The following SETD2 variants were observed in gnomAD, a reference collection of about 807,000 sequenced individuals.
The protein encoded by SETD2 is SET domain containing 2, histone lysine methyltransferase, also known as histone-lysine N-methyltransferase SETD2.
Under a neutral mutation model 242.1 loss-of-function variants are expected in SETD2, and 31 were observed. The observed-to-expected ratio is 0.13, with a 90% CI of 0.10 to 0.17. The LOEUF (loss-of-function observed/expected upper bound fraction) is 0.17, where lower values mean the gene tolerates loss of function less well. Among genes scored for constraint, SETD2 ranks in the 10% least tolerant of loss-of-function variants. The probability of loss-of-function intolerance (pLI) is 1.00; values close to 1 mark genes in which losing one functional copy is unlikely to be tolerated. For synonymous variants in SETD2, 1,006 were observed against 1,066.5 expected, an observed-to-expected ratio of 0.94 and a Z score of 1.11; for missense variants, 2,481 against 3,046.3, an observed-to-expected ratio of 0.81 and a Z score of 4.37.
intron 1 of SETD2, among the ~76,000 whole-genome samples, chr3:47,161,565 T>C (rs190219447): frequency 1.1e-4 from 16 of 152,156 alleles, no homozygotes; most frequent in South Asian, 2.1e-4. Context: ...CCAGTCTTTA[T>C]AGTATTATGA....
intron 12 of SETD2, among the ~76,000 whole-genome samples, chr3:47,078,491 A>T (rs987156953): frequency 6.8e-6 from 1 of 148,136 alleles, no homozygotes; most frequent in South Asian, 2.1e-4. Flanking sequence ...AACTCAATTA[A>T]TGTGTGCTCC....
At chr3:47,097,857 C>A (rs1357828727) in intron 9 of SETD2, 98 bp downstream of exon 9, 9 of 1,157,698 alleles carry the variant, frequency 7.8e-6, no homozygotes, top group Non-Finnish European at 1.1e-5. Flanking sequence ...TTGGATTTCT[C>A]TGGTGGCAGT....
intron 12 of SETD2, among the ~76,000 whole-genome samples, chr3:47,071,639 T>C (rs182176234): frequency 6.6e-6 from 1 of 150,942 alleles, no homozygotes; most frequent in East Asian, 1.9e-4. Context: ...CAATAACATA[T>C]AGTGATACTG....
At chr3:47,072,563 G>A (rs1248485126) in intron 12 of SETD2, among the ~76,000 whole-genome samples, 1 of 151,766 alleles carries the variant, frequency 6.6e-6, no homozygotes, top group African/African-American at 2.4e-5. Context: ...GCTCACACCT[G>A]TGATCCCAAC....
chr3:47,142,936 C>T (rs1198263438), intron 1 of SETD2, among the ~76,000 whole-genome samples: 3 of 152,114 alleles, frequency 2.0e-5, no homozygotes, highest in African/African-American at 4.8e-5. Context: ...TCCCAAAGTG[C>T]TGGGATTACA....
At position 47,123,161 on chromosome 3, in the gene SETD2, T is replaced by A. The variant is rs2043175294; in HGVS notation, c.1475A>T (p.Asp492Val). Residue 492 changes from aspartate to valine, a missense_variant, in exon 3 of 21, where the codon GAT becomes GTT. Coordinates refer to ENST00000409792, the MANE Select transcript of SETD2 (RefSeq NM_014159.7). ...AGAGGTCTCAGTTTTACAGTCCCGA[T>A]CAGATTTAGAATAGGATGATGTCCT... ...DLRTSSYSKS[D>V]RDCKTETSYL... The A allele has an allele frequency of 6.2e-7, 1 of 1,611,168 alleles. No homozygotes were observed. Among genetic ancestry groups the A allele is most frequent in the Non-Finnish European group, 8.5e-7 (1 of 1,178,254 alleles).
At chr3:47,132,814 A>G (rs752141259) in intron 1 of SETD2, among the ~76,000 whole-genome samples, 3 of 152,234 alleles carry the variant, frequency 2.0e-5, no homozygotes, top group Non-Finnish European at 4.4e-5. Flanking sequence ...TTTAAAGAAA[A>G]AAACTGTCAG....
intron 9 of SETD2, 116 bp downstream of exon 9, chr3:47,097,839 A>G: frequency 1.0e-6 from 1 of 980,840 alleles, no homozygotes; most frequent in Non-Finnish European, 1.5e-6. Context: ...GTAACAACTC[A>G]TCTGATCTTG....
At chr3:47,097,219 T>A (rs1405708960) in intron 9 of SETD2, among the ~76,000 whole-genome samples, 1 of 152,116 alleles carries the variant, frequency 6.6e-6, no homozygotes, top group Non-Finnish European at 1.5e-5. Flanking sequence ...GATTCACAGG[T>A]CTAGAGAGTA....
Position 47,105,882 on chromosome 3 carries a change from G to A in SETD2, c.4839+115C>T, listed in dbSNP as rs138127856. 6.0e-3 allele frequency: 7,277 copies of A among 1,215,884 alleles called. 33 individuals are homozygous for A. Among genetic ancestry groups the A allele is most frequent in the Non-Finnish European group, 7.0e-3 (6,203 of 887,576 alleles). The allele number at this position is 1,215,884 out of a possible 1,614,324, so 75.3% of individuals were successfully genotyped here. A position where few individuals can be genotyped will look rare whatever the true frequency, so the allele number is the denominator to read the frequency against. On this transcript the variant is annotated intron_variant, in intron 6 of 20. Coordinates refer to ENST00000409792, the MANE Select transcript of SETD2 (RefSeq NM_014159.7). ...CTTGCCACTGCACTCCAGCCTGGGC[G>A]ATAGAGCGAGACTCCGTCTCCAAAA...
intron 8 of SETD2, among the ~76,000 whole-genome samples, chr3:47,099,925 G>C (rs2042143245): frequency 6.7e-6 from 1 of 149,632 alleles, no homozygotes; most frequent in Non-Finnish European, 1.5e-5. Flanking sequence ...AGTCTTCAAA[G>C]TCATGAATTG....
At chr3:47,086,100 TG>T in intron 11 of SETD2, 94 bp downstream of exon 11, 1 of 1,372,010 alleles carries the variant, frequency 7.3e-7, no homozygotes, top group Admixed American at 1.8e-5. Flanking sequence ...AATGATACAG[TG>T]CTAAATTCAT....
intron 15 of SETD2, among the ~76,000 whole-genome samples, chr3:47,055,847 C>T (rs1314997511): frequency 5.3e-5 from 8 of 151,182 alleles, no homozygotes; most frequent in South Asian, 2.1e-4. Context: ...CCCGTCTCTA[C>T]TAAAAATACA....
Position 47,123,458 on chromosome 3 carries a change from C to A in SETD2, c.1178G>T (p.Arg393Leu), listed in dbSNP as rs888313435. 1 of 1,551,462 alleles carries A rather than the reference C, an allele frequency of 6.4e-7. No homozygotes were observed. Among genetic ancestry groups the A allele is most frequent in the Non-Finnish European group, 8.7e-7 (1 of 1,146,936 alleles). ...CCGTCGCTCTCTTTCTGATCTACAT[C>A]GGGAAGATACATACCGAGTATCTCT... is the stretch of plus-strand genomic sequence containing the variant. Reference protein sequence around the residue: ...LERDTRYVSSRCRSERERRRS... With the variant: ...LERDTRYVSSLCRSERERRRS... Residue 393 changes from arginine to leucine, a missense_variant, in exon 3 of 21, where the codon CGA (arginine) becomes CTA (leucine). Transcript: ENST00000409792.
chr3:47,088,041 T>C lies in SETD2; in HGVS notation c.5277+72A>G. 3 of 1,416,688 alleles carry C rather than the reference T, an allele frequency of 2.1e-6. No homozygotes were observed. The South Asian group carries it at 3.9e-5, about 19-fold the overall frequency. 87.8% of individuals were successfully genotyped at this position (1,416,688 alleles called of 1,614,324 possible). ...GACTAACTCTTATCAGAATTATTCC[T>C]TCTTCATTCATCTTCATTCATTCAT... is the stretch of plus-strand genomic sequence containing the variant. On this transcript the variant is annotated intron_variant, in intron 10 of 20. Coordinates refer to ENST00000409792, the MANE Select transcript of SETD2 (RefSeq NM_014159.7).
intron 3 of SETD2, among the ~76,000 whole-genome samples, chr3:47,118,700 C>G (rs1413525823): frequency 6.6e-6 from 1 of 151,648 alleles, no homozygotes; most frequent in African/African-American, 2.4e-5. Flanking sequence ...TATATAAATC[C>G]TTCCCACTGC....
intron 1 of SETD2, among the ~76,000 whole-genome samples, chr3:47,140,206 TAAC>T (rs2043693928): frequency 6.6e-6 from 1 of 152,168 alleles, no homozygotes; most frequent in Admixed American, 6.6e-5. Flanking sequence ...TCCCAAATGT[TAAC>T]AACTGTATTT....
intron 15 of SETD2, among the ~76,000 whole-genome samples, chr3:47,055,102 T>C (rs1432300330): frequency 2.0e-5 from 3 of 152,050 alleles, no homozygotes; most frequent in Admixed American, 2.0e-4. Flanking sequence ...TCAAGACAAA[T>C]ATATAAAATA....
intron 18 of SETD2, among the ~76,000 whole-genome samples, chr3:47,037,113 T>A (rs1267165450): frequency 8.1e-5 from 12 of 148,182 alleles, no homozygotes; most frequent in Non-Finnish European, 1.5e-4. Context: ...TGTAATGGGA[T>A]TATTTTTTAT....
Sources: gnomAD v4.1 joint callset for allele counts (sites outside exome capture counted in the v4.1 genomes callset) on GRCh38, gnomAD v4.1.1 for gene constraint, MANE v1.5 for transcripts, NCBI Gene and HGNC (gene_info 2026-07-23, HGNC 2026-07-21) for gene names.